The following SGCD variants were observed in gnomAD, a reference collection of about 807,000 sequenced individuals.
The protein encoded by SGCD is sarcoglycan delta, also known as delta-sarcoglycan.
Under a neutral mutation model 36.6 loss-of-function variants are expected in SGCD, and 18 were observed. That is an observed-to-expected ratio of 0.49 (90% CI 0.34 to 0.73). SGCD has a LOEUF of 0.73. Ranked by LOEUF, SGCD falls within the 30% of genes least tolerant of loss-of-function variation. SGCD has a pLI of 0.01. For synonymous variants in SGCD, 133 were observed against 130.6 expected (o/e 1.02, Z -0.12); for missense variants, 387 against 346.7 (o/e 1.12, Z -0.92).
chr5:156,589,189 A>G, intron 4 of SGCD, 42 bp from the exon 5 acceptor site: 1 of 1,391,132 alleles, frequency 7.2e-7, no homozygotes, highest in Non-Finnish European at 1.0e-6. Context: ...TTTGTTTAGA[A>G]ATCTATCATT....
chr5:156,464,700 C>T (rs946955701), intron 3 of SGCD, among the ~76,000 whole-genome samples: 6 of 152,126 alleles, frequency 3.9e-5, no homozygotes, highest in African/African-American at 1.2e-4. Context: ...GGGAATAGTA[C>T]TTTAACTTCC....
At chr5:155,728,952 C>T in the SGCD span, among the ~76,000 whole-genome samples, 124 of 152,358 alleles carry the variant, frequency 8.1e-4, no homozygotes, top group Admixed American at 3.0e-3. Flanking sequence ...GCGCACCAGT[C>T]GGCTTGGTGG....
At chr5:155,753,844 C>T in the SGCD span, among the ~76,000 whole-genome samples, 2 of 152,174 alleles carry the variant, frequency 1.3e-5, no homozygotes. Context: ...GCTGGAATCA[C>T]CAGCCCCCAG....
intron 6 of SGCD, among the ~76,000 whole-genome samples, chr5:156,626,489 G>T (rs1443155826): frequency 2.0e-5 from 3 of 152,150 alleles, no homozygotes; most frequent in African/African-American, 7.2e-5. Context: ...CTTTGGAGTG[G>T]GGAAGACAGA....
At chr5:155,736,036 C>T in the SGCD span, among the ~76,000 whole-genome samples, 1 of 152,160 alleles carries the variant, frequency 6.6e-6, no homozygotes, top group African/African-American at 2.4e-5. Context: ...TGGGATCCTT[C>T]TTTCTACCCC....
chr5:156,102,840 T>C (rs1761552494), intron 1 of SGCD, among the ~76,000 whole-genome samples: 1 of 152,208 alleles, frequency 6.6e-6, no homozygotes, highest in Non-Finnish European at 1.5e-5. Flanking sequence ...TTATATTGTG[T>C]GTGTACACAC....
intron 3 of SGCD, among the ~76,000 whole-genome samples, chr5:156,132,393 A>T (rs1762345317): frequency 6.7e-6 from 1 of 148,854 alleles, no homozygotes; most frequent in Non-Finnish European, 1.5e-5. Context: ...TGGATGTGGA[A>T]ATGATGGTTT....
intron 1 of SGCD, among the ~76,000 whole-genome samples, chr5:156,035,744 C>T (rs1759481239): frequency 6.6e-6 from 1 of 152,192 alleles, no homozygotes; most frequent in African/African-American, 2.4e-5. Flanking sequence ...TGACTACTTC[C>T]TGTTAACTTC....
At chr5:156,693,342 C>A (rs990592686) in intron 7 of SGCD, among the ~76,000 whole-genome samples, 1 of 152,066 alleles carries the variant, frequency 6.6e-6, no homozygotes, top group Non-Finnish European at 1.5e-5. Flanking sequence ...TTCTCACTGA[C>A]CCTGTCAGAG....
At chr5:156,616,401 G>T (rs1310590512) in intron 6 of SGCD, among the ~76,000 whole-genome samples, 1 of 152,184 alleles carries the variant, frequency 6.6e-6, no homozygotes, top group Admixed American at 6.5e-5. Flanking sequence ...GAAAATTGGG[G>T]TGTTGTTATC....
chr5:155,879,619 TTAAAAA>T (rs1755838323), intron 1 of SGCD, among the ~76,000 whole-genome samples: 1 of 152,062 alleles, frequency 6.6e-6, no homozygotes, highest in African/African-American at 2.4e-5. Flanking sequence ...GGAAGATAAC[TTAAAAA>T]TAAAATATAT....
At chr5:155,773,550 G>C in the SGCD span, among the ~76,000 whole-genome samples, 1 of 152,072 alleles carries the variant, frequency 6.6e-6, no homozygotes, top group Non-Finnish European at 1.5e-5. Flanking sequence ...GAGTATGTAG[G>C]ATTAAAAGTT....
At chr5:155,749,115 TGATA>T in the SGCD span, among the ~76,000 whole-genome samples, 1 of 152,192 alleles carries the variant, frequency 6.6e-6, no homozygotes, top group South Asian at 2.1e-4. Context: ...TTCAAATAAG[TGATA>T]GATGTTACTG....
In SGCD at chr5:156,229,288, A is replaced by ATATATATATATATATATATATATATG. The variant is rs1203808308; in HGVS notation, c.-43-100234_-43-100233insTATATATATATATGTATATATATATA. Reference sequence around the variant, plus strand: ...TATATATATACATACATATATATATATATATATATATAAAATTAGTTCTTC... The same window carrying ATATATATATATATATATATATATATG: ...TATATATATACATACATATATATATATATATATATATATATATATATATATGTATATATATATAAAATTAGTTCTTC... On this transcript the variant is annotated intron_variant, in intron 3 of 9. Coordinates refer to the SGCD transcript ENST00000517913. Among the ~76,000 whole-genome samples, 4 of 114,196 alleles carry ATATATATATATATATATATATATATG rather than the reference A, an allele frequency of 3.5e-5. No individual in the cohort carries two copies. In the Admixed American group the frequency reaches 3.7e-4, roughly 11 times the overall value. 74.9% of individuals were successfully genotyped at this position (114,196 alleles called of 152,430 possible).
At chr5:156,146,934 A>T (rs1194268881) in intron 3 of SGCD, among the ~76,000 whole-genome samples, 1 of 152,224 alleles carries the variant, frequency 6.6e-6, no homozygotes, top group Non-Finnish European at 1.5e-5. Context: ...ATAGACTCTT[A>T]TTCATCCTTA....
At chr5:156,726,255 CT>C (rs1163745318) in intron 7 of SGCD, among the ~76,000 whole-genome samples, 1 of 152,166 alleles carries the variant, frequency 6.6e-6, no homozygotes, top group Non-Finnish European at 1.5e-5. Flanking sequence ...AAACTGCCCC[CT>C]AAGAATGTTT....
chr5:155,816,444 A>G, the SGCD span, among the ~76,000 whole-genome samples: 1 of 152,236 alleles, frequency 6.6e-6, no homozygotes, highest in African/African-American at 2.4e-5. Context: ...GCAGTGTATC[A>G]TTATAAAGAT....
chr5:155,783,553 C>A, the SGCD span, among the ~76,000 whole-genome samples: 1 of 149,786 alleles, frequency 6.7e-6, no homozygotes, highest in East Asian at 1.9e-4. Context: ...TTTTTTTTTA[C>A]AAACTCTGAA....
chr5:156,504,798 G>A (rs549654804), intron 3 of SGCD, among the ~76,000 whole-genome samples: 2 of 152,288 alleles, frequency 1.3e-5, no homozygotes, highest in East Asian at 1.9e-4. Context: ...TAAATGTTAA[G>A]GAAAGGGGAT....
Sources: gnomAD v4.1 joint callset for allele counts (sites outside exome capture counted in the v4.1 genomes callset) on GRCh38, gnomAD v4.1.1 for gene constraint, MANE v1.5 for transcripts, NCBI Gene and HGNC (gene_info 2026-07-23, HGNC 2026-07-21) for gene names.